The following PTPRG variants were observed in gnomAD, a reference collection of about 807,000 sequenced individuals.
PTPRG encodes the protein receptor-type tyrosine-protein phosphatase gamma.
PTPRG carries 102 observed loss-of-function variants against 165.3 expected under a neutral mutation model. The observed-to-expected ratio is 0.62, with a 90% confidence interval of 0.53 to 0.73. The LOEUF (loss-of-function observed/expected upper bound fraction) is 0.73, where lower values mean the gene tolerates loss of function less well. Among genes scored for constraint, PTPRG ranks in the 30% least tolerant of loss-of-function variants. The probability of loss-of-function intolerance (pLI) is 0.00; values close to 1 mark genes in which losing one functional copy is unlikely to be tolerated. For synonymous variants in PTPRG, 675 were observed against 669.5 expected (o/e 1.01, Z -0.13); for missense variants, 1,866 against 1,861.4 (o/e 1.00, Z -0.05).
rs903990644 is a variant in PTPRG at position 62,293,866 on chromosome 3, A to C, written c.*559A>C. 7.9e-5 allele frequency: 12 copies of C among 152,504 alleles called. No homozygotes were observed. Among genetic ancestry groups the C allele is most frequent in the African/African-American group, 2.9e-4 (12 of 41,430 alleles). The allele number at this position is 152,504 out of a possible 1,614,324, so 9.4% of individuals were successfully genotyped here. On this transcript the variant is annotated 3_prime_UTR_variant, in exon 30 of 30. Coordinates refer to ENST00000474889, the MANE Select transcript of PTPRG (RefSeq NM_002841.4). The stretch of plus-strand genomic sequence containing the variant: ...AGGTCTGTTAATGTCATGGCCTTGA[A>C]ACAGTTCCATTTATGCTGGTTAAGA...
At chr3:61,769,507 AAGCGATCCTCCC>A (rs1439539067) in intron 2 of PTPRG, 2 of 152,234 alleles carry the variant, frequency 1.3e-5, no homozygotes, top group African/African-American at 2.4e-5. Flanking sequence ...TCCTGGCCTT[AAGCGATCCTCCC>A]AGCTTAGCCT....
chr3:62,054,354 C>T (rs1285131948), intron 4 of PTPRG, among the ~76,000 whole-genome samples: 1 of 152,186 alleles, frequency 6.6e-6, no homozygotes, highest in African/African-American at 2.4e-5. Flanking sequence ...TTGGCCTTCT[C>T]TCCAGTTGGT....
At chr3:61,898,038 T>G (rs2038406818) in intron 2 of PTPRG, among the ~76,000 whole-genome samples, 1 of 152,240 alleles carries the variant, frequency 6.6e-6, no homozygotes, top group Admixed American at 6.5e-5. Flanking sequence ...TGTATGACTT[T>G]ACTTCTCTTT....
chr3:62,276,142 C>A (rs1212199098), intron 24 of PTPRG, among the ~76,000 whole-genome samples, 176 bp downstream of exon 24: 2 of 152,044 alleles, frequency 1.3e-5, no homozygotes, highest in African/African-American at 4.8e-5. Flanking sequence ...TGACTTTATA[C>A]CAGCCTCTTA....
At chr3:62,227,038 G>C (rs1458120902) in intron 13 of PTPRG, among the ~76,000 whole-genome samples, 1 of 152,152 alleles carries the variant, frequency 6.6e-6, no homozygotes, top group South Asian at 2.1e-4. Flanking sequence ...GCAAATGTGT[G>C]GGGGATTTGT....
Position 62,297,547 on chromosome 3 carries a change from A to G in PTPRG, c.*4240A>G, listed in dbSNP as rs1463057251. 5 of 150,824 alleles carry G rather than the reference A, an allele frequency of 3.3e-5. No homozygotes were observed. The highest frequency in any genetic ancestry group is 7.3e-5 in the African/African-American group (3 of 40,968). The allele number at this position is 150,824 out of a possible 1,614,324, so 9.3% of individuals were successfully genotyped here. A position where few individuals can be genotyped will look rare whatever the true frequency, so the allele number is the denominator to read the frequency against. ...TTAAACTATATCAAATCATTCTATT[A>G]TAGTGTTATTTAATATGTAAATTGT... On this transcript the variant is annotated 3_prime_UTR_variant, in exon 30 of 30. Coordinates refer to ENST00000474889, the MANE Select transcript of PTPRG (RefSeq NM_002841.4).
At chr3:61,962,442 A>C (rs2040175022) in intron 2 of PTPRG, among the ~76,000 whole-genome samples, 1 of 152,186 alleles carries the variant, frequency 6.6e-6, no homozygotes, top group South Asian at 2.1e-4. Flanking sequence ...CTCATCTGTG[A>C]AATGGGAATT....
At chr3:61,742,330 T>TG in intron 1 of PTPRG, 1 of 622,198 alleles carries the variant, frequency 1.6e-6, no homozygotes, top group South Asian at 2.3e-5. Context: ...AGGAAACAGT[T>TG]GCGTTGATAT....
At chr3:61,571,981 T>C (rs542658458) in intron 1 of PTPRG, among the ~76,000 whole-genome samples, 1 of 152,336 alleles carries the variant, frequency 6.6e-6, no homozygotes, top group South Asian at 2.1e-4. Flanking sequence ...AAAATTTTTT[T>C]CTGGAATTTT....
At chr3:62,157,578 A>G (rs1704584960) in intron 7 of PTPRG, among the ~76,000 whole-genome samples, 1 of 152,172 alleles carries the variant, frequency 6.6e-6, no homozygotes, top group South Asian at 2.1e-4. Flanking sequence ...TTTCATCTTC[A>G]TGAACAACAC....
intron 1 of PTPRG, among the ~76,000 whole-genome samples, chr3:61,679,556 T>G (rs9883207): frequency 0.04 from 6,089 of 152,104 alleles, 388 homozygotes; most frequent in African/African-American, 0.13. Flanking sequence ...AGGTCAAAGC[T>G]GGTGGATCAC....
At chr3:61,824,054 G>A (rs2036035613) in intron 2 of PTPRG, among the ~76,000 whole-genome samples, 1 of 152,058 alleles carries the variant, frequency 6.6e-6, no homozygotes, top group Middle Eastern at 3.2e-3. Flanking sequence ...AACCTGGGAC[G>A]CGGAGCTTGC....
At position 62,028,327 on chromosome 3, in the gene PTPRG, A is replaced by G. The variant is rs141781291; in HGVS notation, c.519+24830A>G. ...CAATGATACGCTAATTACAGCCTAT[A>G]CATTTTTAAGAGTTGAATCTGTCAT... On this transcript the variant is annotated intron_variant, in intron 4 of 29. Transcript: ENST00000474889. Among the ~76,000 whole-genome samples the G allele has an allele frequency of 2.0e-3, 304 of 152,336 alleles. 1 individual carries two copies. The highest frequency in any genetic ancestry group is 7.1e-3 in the African/African-American group (295 of 41,580).
chr3:62,277,719 A>C, intron 26 of PTPRG, 40 bp downstream of exon 26: 1 of 1,606,104 alleles, frequency 6.2e-7, no homozygotes, highest in East Asian at 2.2e-5. Context: ...TGAGCCCATG[A>C]GGCTACAAGC....
chr3:62,160,864 A>ATTTTTTTTTTTTTTTTTTTTTT (rs5849464), intron 7 of PTPRG, among the ~76,000 whole-genome samples: 2 of 103,982 alleles, frequency 1.9e-5, no homozygotes, highest in African/African-American at 7.6e-5. Flanking sequence ...TAGATGTGTG[A>ATTTTTTTTTTTTTTTTTTTTTT]TTTTTTTTTT....
rs897104498 is a variant in PTPRG, at chr3:62,195,776, T to C, written c.1327+606T>C. 6.6e-6 allele frequency among the ~76,000 whole-genome samples: 1 copy of C among 151,940 alleles called. No homozygotes were observed. The highest frequency in any genetic ancestry group is 2.4e-5 in the African/African-American group (1 of 41,378). On this transcript the variant is annotated intron_variant, in intron 10 of 29. Coordinates refer to ENST00000474889, the MANE Select transcript of PTPRG (RefSeq NM_002841.4). This position sits in a 1 kb window ranked among gnomAD's most constrained non-coding sequence, Gnocchi z 4.4. Reference sequence around the variant, plus strand: ...AATTGAGTGACCAAGAGACATAACATTTTAGTGGGATTTTTTTTGTTTGTT... The same window carrying C: ...AATTGAGTGACCAAGAGACATAACACTTTAGTGGGATTTTTTTTGTTTGTT...
intron 2 of PTPRG, among the ~76,000 whole-genome samples, chr3:61,859,620 T>TC (rs1439840699): frequency 6.6e-6 from 1 of 151,778 alleles, no homozygotes; most frequent in African/African-American, 2.4e-5. Flanking sequence ...AGTTTTTTTT[T>TC]TTTTGGTCAT....
At position 62,168,143 on chromosome 3, in the gene PTPRG, T is replaced by A; in HGVS notation, c.1013T>A (p.Leu338Gln). Residue 338 changes from leucine (L) to glutamine (Q), a missense_variant, in exon 8 of 30, where the codon CTG becomes CAG. Leu to Gln is a moderately radical substitution (Grantham distance 113). Coordinates refer to ENST00000474889, the MANE Select transcript of PTPRG (RefSeq NM_002841.4). ...HDMTDFLENP[L>Q]GTEASKVCSS... is the part of the protein sequence containing the mutation. ...ATGACAGACTTCTTAGAAAACCCAC[T>A]GGGGACAGAAGCCTCTAAAGGTATA... 1.9e-6 allele frequency: 3 copies of A among 1,614,036 alleles called. No individual in the cohort carries two copies. Among genetic ancestry groups the A allele is most frequent in the Middle Eastern group, 1.6e-4 (1 of 6,062 alleles).
intron 2 of PTPRG, among the ~76,000 whole-genome samples, chr3:61,764,292 G>A (rs17065325): frequency 0.2 from 29,939 of 152,036 alleles, 3,775 homozygotes; most frequent in East Asian, 0.27. Flanking sequence ...GAGCGTAGAA[G>A]TGAGGAGGCA....
Sources: allele counts gnomAD v4.1 joint callset (sites outside exome capture counted in the v4.1 genomes callset), GRCh38; gene constraint gnomAD v4.1.1; non-coding constraint Gnocchi (gnomAD v3.1); transcripts MANE v1.5; gene names NCBI Gene and HGNC (gene_info 2026-07-23, HGNC 2026-07-21).